FBXL17: variants seen among roughly 807,000 people sequenced by gnomAD.
The protein encoded by FBXL17 is F-box and leucine rich repeat protein 17.
Under a neutral mutation model 66.2 loss-of-function variants are expected in FBXL17, and 22 were observed. The ratio of observed to expected loss-of-function variants is 0.33; its 90% CI spans 0.24 to 0.47. FBXL17 has a LOEUF of 0.47. FBXL17 is among the 20% of genes least tolerant of loss of function. FBXL17 has a pLI of 1.00. For synonymous variants in FBXL17, 474 were observed against 400.5 expected (o/e 1.18, Z -2.19); for missense variants, 878 against 948.2 (o/e 0.93, Z 0.97).
rs183215133 is a variant in FBXL17 at position 107,990,792 on chromosome 5, C to T, written c.1822+30133G>A. 1.1e-3 allele frequency among the ~76,000 whole-genome samples: 160 copies of T among 152,232 alleles called. 1 individual carries two copies. The highest frequency in any genetic ancestry group is 1.6e-3 in the Non-Finnish European group (106 of 68,002). On this transcript the variant is annotated intron_variant, in intron 7 of 8. Coordinates refer to ENST00000542267, the MANE Select transcript of FBXL17 (RefSeq NM_001163315.3). ...GAAACATGAAAGACAAGGTCCCTGT[C>T]CCCAGGGAACCTATCTCATGGTGTC...
chr5:108,231,246 A>G (rs1755327549), intron 4 of FBXL17, among the ~76,000 whole-genome samples: 1 of 152,186 alleles, frequency 6.6e-6, no homozygotes, highest in Non-Finnish European at 1.5e-5. Context: ...CAGTTATATA[A>G]TCATCACCAC....
chr5:107,891,131 A>T (rs973468351), intron 7 of FBXL17, among the ~76,000 whole-genome samples: 1 of 152,118 alleles, frequency 6.6e-6, no homozygotes, highest in Non-Finnish European at 1.5e-5. Flanking sequence ...TTTGACAAAA[A>T]CCTGAAACGG....
At chr5:108,016,357 C>T (rs1010361722) in intron 7 of FBXL17, among the ~76,000 whole-genome samples, 2 of 152,168 alleles carry the variant, frequency 1.3e-5, no homozygotes, top group Non-Finnish European at 1.5e-5. Context: ...TTGTCAGCAA[C>T]CTGTATGCCC....
intron 6 of FBXL17, among the ~76,000 whole-genome samples, chr5:108,181,671 A>C (rs1452395375): frequency 1.3e-5 from 2 of 152,188 alleles, no homozygotes; most frequent in Non-Finnish European, 2.9e-5. Context: ...AATGTGAGAA[A>C]TCCTTTATTA....
At chr5:108,067,629 A>C (rs1748167324) in intron 6 of FBXL17, among the ~76,000 whole-genome samples, 1 of 152,100 alleles carries the variant, frequency 6.6e-6, no homozygotes, top group Non-Finnish European at 1.5e-5. Flanking sequence ...AACTATAATT[A>C]AGACTACTGC....
intron 6 of FBXL17, among the ~76,000 whole-genome samples, chr5:108,093,651 C>T (rs759071266): frequency 6.6e-6 from 1 of 152,168 alleles, no homozygotes; most frequent in Non-Finnish European, 1.5e-5. Context: ...TCTACACTGA[C>T]AGTTTTTAAC....
chr5:107,977,708 T>C (rs1561348846), intron 7 of FBXL17, among the ~76,000 whole-genome samples: 1 of 152,248 alleles, frequency 6.6e-6, no homozygotes, highest in African/African-American at 2.4e-5. Flanking sequence ...ATACATAATG[T>C]ACACTTCTCT....
intron 7 of FBXL17, among the ~76,000 whole-genome samples, chr5:107,923,557 T>C (rs1363436670): frequency 6.6e-6 from 1 of 152,204 alleles, no homozygotes; most frequent in Non-Finnish European, 1.5e-5. Context: ...CTGCACTTAG[T>C]GCTCCTTTTC....
intron 4 of FBXL17, chr5:108,298,390 C>G (rs1758436747): frequency 4.1e-6 from 4 of 980,252 alleles, no homozygotes; most frequent in Middle Eastern, 5.2e-4. Context: ...CTCCACCAGT[C>G]AAAGAAGATC....
At chr5:108,058,401 CTTCT>C (rs558637246) in intron 6 of FBXL17, among the ~76,000 whole-genome samples, 487 of 29,444 alleles carry the variant, frequency 0.017, 1 homozygote, top group Admixed American at 0.022. Flanking sequence ...TCTTTCTTTC[CTTCT>C]TTCTTTCTCT....
chr5:108,359,282 C>T (rs1258775344), intron 3 of FBXL17, among the ~76,000 whole-genome samples: 1 of 151,952 alleles, frequency 6.6e-6, no homozygotes, highest in Non-Finnish European at 1.5e-5. Flanking sequence ...TAATTTTTTT[C>T]CATAGCTTTT....
In FBXL17 at chr5:108,364,682, T is replaced by C. The variant is rs1332007102; in HGVS notation, c.1374+56A>G. On this transcript the variant is annotated intron_variant, in intron 3 of 8. Coordinates refer to ENST00000542267, the MANE Select transcript of FBXL17 (RefSeq NM_001163315.3). The stretch of plus-strand genomic sequence containing the variant: ...ACGTAACCATTTAAAATGTTGTTGC[T>C]AGAAAACATTTTTAATTAATTCAAG... 3.1e-5 allele frequency: 43 copies of C among 1,386,648 alleles called. No individual in the cohort carries two copies. The South Asian group carries it at 4.7e-4, about 15-fold the overall frequency. The allele number at this position is 1,386,648 out of a possible 1,614,324, so 85.9% of individuals were successfully genotyped here.
chr5:107,893,496 G>A (rs1256427325), intron 7 of FBXL17, among the ~76,000 whole-genome samples: 1 of 152,144 alleles, frequency 6.6e-6, no homozygotes, highest in East Asian at 1.9e-4. Flanking sequence ...TGAAAAGTCT[G>A]TAAAAACAAG....
chr5:107,976,420 T>C (rs1166193658), intron 7 of FBXL17, among the ~76,000 whole-genome samples: 1 of 152,174 alleles, frequency 6.6e-6, no homozygotes, highest in Non-Finnish European at 1.5e-5. Context: ...TAATTTTATA[T>C]AGACTTAGAT....
At chr5:108,259,759 T>C (rs958817391) in intron 4 of FBXL17, among the ~76,000 whole-genome samples, 21 of 152,066 alleles carry the variant, frequency 1.4e-4, no homozygotes, top group Admixed American at 1.1e-3. Flanking sequence ...ATAGAGAGGG[T>C]ATCTAAAAGG....
At chr5:108,119,726 C>T (rs563538868) in intron 6 of FBXL17, among the ~76,000 whole-genome samples, 1 of 152,204 alleles carries the variant, frequency 6.6e-6, no homozygotes, top group Admixed American at 6.5e-5. Context: ...AAGGAGAATA[C>T]ACAATCTACT....
chr5:107,946,143 G>A (rs1751270229), intron 7 of FBXL17, among the ~76,000 whole-genome samples: 1 of 149,644 alleles, frequency 6.7e-6, no homozygotes. Context: ...GCTAGTAATA[G>A]GGTTAAGACC....
intron 7 of FBXL17, among the ~76,000 whole-genome samples, chr5:108,000,462 CA>C (rs1753678140): frequency 6.6e-6 from 1 of 152,126 alleles, no homozygotes; most frequent in Non-Finnish European, 1.5e-5. Flanking sequence ...CAGACTCTAC[CA>C]AGGAAAATCC....
chr5:107,951,782 A>T (rs1751506060), intron 7 of FBXL17, among the ~76,000 whole-genome samples: 1 of 152,258 alleles, frequency 6.6e-6, no homozygotes, highest in Non-Finnish European at 1.5e-5. Context: ...AGCATTTAGT[A>T]CATAATTGTG....
Sources: allele counts gnomAD v4.1 joint callset (sites outside exome capture counted in the v4.1 genomes callset), GRCh38; gene constraint gnomAD v4.1.1; transcripts MANE v1.5; gene names NCBI Gene and HGNC (gene_info 2026-07-23, HGNC 2026-07-21).